NEDD4: variants seen among roughly 807,000 people sequenced by gnomAD.
The protein encoded by NEDD4 is E3 ubiquitin-protein ligase NEDD4.
NEDD4 carries 99 observed loss-of-function variants against 144.9 expected under a neutral mutation model. That is an observed-to-expected ratio of 0.68 (90% CI 0.58 to 0.81). The LOEUF (loss-of-function observed/expected upper bound fraction) is 0.81, where lower values mean the gene tolerates loss of function less well. Among genes scored for constraint, NEDD4 ranks in the 30% least tolerant of loss-of-function variants. The pLI, the probability that NEDD4 is intolerant of heterozygous loss-of-function variation, is 0.00. For missense variants in NEDD4, 985 were observed against 1,065.9 expected (o/e 0.92, Z 1.06); for synonymous variants, 318 against 350.6 (o/e 0.91, Z 1.04).
chr15:55,852,503 T>C lies in NEDD4; in HGVS notation c.1067A>G (p.Glu356Gly). The C allele has an allele frequency of 6.2e-7, 1 of 1,613,316 alleles. No homozygotes were observed. Among genetic ancestry groups the C allele is most frequent in the Middle Eastern group, 1.7e-4 (1 of 6,060 alleles). The change falls in exon 13 of 29, where the codon GAA (glutamate) becomes GGA (glycine). Residue 356 changes from glutamate (E) to glycine (G), a missense_variant. Physicochemically the swap from Glu to Gly is moderately conservative, Grantham distance 98. Coordinates refer to ENST00000435532, the MANE Select transcript of NEDD4 (RefSeq NM_006154.4). Reference protein sequence around the residue: ...TSSGLPPGWEEKQDERGRSYY... With the variant: ...TSSGLPPGWEGKQDERGRSYY... ...TGATCTTCCTCTTTCATCTTGTTTT[T>C]CTTCCCAACCTGGTGGTAATCCAGA...
chr15:55,991,499 G>C (rs2037988020), intron 1 of NEDD4, among the ~76,000 whole-genome samples: 1 of 152,246 alleles, frequency 6.6e-6, no homozygotes, highest in South Asian at 2.1e-4. Context: ...AGAGCAAACA[G>C]TAAATGAATG....
At chr15:55,839,092 G>A (rs1221562030) in intron 21 of NEDD4, among the ~76,000 whole-genome samples, 2 of 151,370 alleles carry the variant, frequency 1.3e-5, no homozygotes, top group South Asian at 2.1e-4. Context: ...GCAGTGGGGC[G>A]ACTGTGGCTC....
Position 55,848,875 on chromosome 15 carries a change from T to C in NEDD4, c.1359A>G (p.Arg453=), listed in dbSNP as rs2033863616. Residue 453 remains arginine, a synonymous_variant, in exon 15 of 29, where the codon AGA becomes AGG. Transcript: ENST00000435532. ...CTCTCAGATGGGCTGGAATTTTCAA[T>C]CTTGGATCTTCCTTTTTTGGTAGAG... ...NTKTTTWEDP[R]LKIPAHLRGK... The C allele has an allele frequency of 1.9e-6, 3 of 1,613,478 alleles. No individual in the cohort carries two copies. Among genetic ancestry groups the C allele is most frequent in the Non-Finnish European group, 2.5e-6 (3 of 1,179,518 alleles).
At chr15:55,873,647 G>A (rs1027172494) in intron 6 of NEDD4, among the ~76,000 whole-genome samples, 7 of 151,996 alleles carry the variant, frequency 4.6e-5, no homozygotes, top group Non-Finnish European at 7.4e-5. Context: ...GTTTTCTTCT[G>A]TGAGCTTAGG....
At chr15:55,840,827 A>G (rs1452442355) in intron 19 of NEDD4, 100 bp from the exon 20 acceptor site, 2 of 1,159,036 alleles carry the variant, frequency 1.7e-6, no homozygotes, top group Non-Finnish European at 2.5e-6. Context: ...TACCACTGTT[A>G]GAACCACATT....
At chr15:55,851,365 C>A (rs1308113546) in intron 13 of NEDD4, among the ~76,000 whole-genome samples, 1 of 148,518 alleles carries the variant, frequency 6.7e-6, no homozygotes, top group Non-Finnish European at 1.5e-5. Context: ...GCCACAACAT[C>A]AATGCAAAGT....
chr15:55,903,828 A>C (rs1340489592), intron 5 of NEDD4, among the ~76,000 whole-genome samples: 1 of 72,074 alleles, frequency 1.4e-5, no homozygotes, highest in African/African-American at 5.0e-5. Flanking sequence ...CCATCTCAAA[A>C]AAAAAAAAAA....
chr15:55,842,306 T>C, intron 18 of NEDD4, 143 bp from the exon 19 acceptor site: 2 of 669,758 alleles, frequency 3.0e-6, no homozygotes, highest in Non-Finnish European at 5.1e-6. Context: ...AAAACACAAC[T>C]AGGTATATTG....
At position 55,837,694 on chromosome 15, in the gene NEDD4, A is replaced by G. The variant is rs1044047518; in HGVS notation, c.2262+95T>C. ...AGAATGATTTCACAAAACAAGCCAT[A>G]TACTTATTTTTCTCAGATGTGATGA... is the stretch of plus-strand genomic sequence containing the variant. On this transcript the variant is annotated intron_variant, in intron 24 of 28. Transcript: ENST00000435532. The G allele has an allele frequency of 2.2e-5, 16 of 720,964 alleles. 1 individual carries two copies. The East Asian group carries it at 4.3e-4, about 19-fold the overall frequency. 44.7% of individuals were successfully genotyped at this position (720,964 alleles called of 1,614,324 possible).
In NEDD4 at chr15:55,938,410, C is replaced by T. The variant is rs562152260; in HGVS notation, c.237+12966G>A. Among the ~76,000 whole-genome samples the T allele has an allele frequency of 2.8e-4, 42 of 151,918 alleles. No homozygotes were observed. The East Asian group carries it at 4.8e-3, about 18-fold the overall frequency. ...GGCTTGGGAAAACTGGATATCCATA[C>T]GCAAAAGAAAGAAATTGACCCTTAT... On this transcript the variant is annotated intron_variant, in intron 4 of 28. Coordinates refer to ENST00000435532, the MANE Select transcript of NEDD4 (RefSeq NM_006154.4).
intron 4 of NEDD4, among the ~76,000 whole-genome samples, chr15:55,939,955 G>T (rs1182179604): frequency 6.6e-6 from 1 of 152,054 alleles, no homozygotes; most frequent in African/African-American, 2.4e-5. Context: ...CCAAGATATG[G>T]AAATAATCTA....
At position 55,881,610 on chromosome 15, in the gene NEDD4, T is replaced by G. The variant is rs1472400303; in HGVS notation, c.292-7602A>C. On this transcript the variant is annotated intron_variant, in intron 5 of 28. Transcript: ENST00000435532. ...GGGTAACTGAATTATCTAGTTAACTTAGGTTTAGGCTTAATCAGATTAAAA... is the reference window on the plus strand; with the variant it reads ...GGGTAACTGAATTATCTAGTTAACTGAGGTTTAGGCTTAATCAGATTAAAA... 6.6e-5 allele frequency among the ~76,000 whole-genome samples: 10 copies of G among 152,320 alleles called. No homozygotes were observed. In the East Asian group the frequency reaches 1.9e-3, roughly 29 times the overall value.
chr15:55,941,639 A>G (rs1409438663), intron 4 of NEDD4, among the ~76,000 whole-genome samples: 5 of 151,092 alleles, frequency 3.3e-5, no homozygotes, highest in Middle Eastern at 3.2e-3. Context: ...ATTTCAGCTC[A>G]CTGCAACCTC....
chr15:55,975,875 A>G (rs986529810), intron 1 of NEDD4, among the ~76,000 whole-genome samples: 1 of 152,238 alleles, frequency 6.6e-6, no homozygotes, highest in African/African-American at 2.4e-5. Context: ...CTGGACTTCA[A>G]ATTATACTAC....
At position 55,904,635 on chromosome 15, in the gene NEDD4, T is replaced by G. The variant is rs113695209; in HGVS notation, c.291+20011A>C. ...ATACACATTTTAAACAGGTTGATTC[T>G]CTTCTTCTGAGTGACAGGTATGCAT... On this transcript the variant is annotated intron_variant, in intron 5 of 28. Coordinates refer to ENST00000435532, the MANE Select transcript of NEDD4 (RefSeq NM_006154.4). Among the ~76,000 whole-genome samples the G allele has an allele frequency of 1.3e-5, 2 of 152,274 alleles. 1 individual carries two copies. The highest frequency in any genetic ancestry group is 4.8e-5 in the African/African-American group (2 of 41,568).
chr15:55,837,760 T>C (rs753713408), intron 24 of NEDD4, 29 bp downstream of exon 24: 4 of 1,570,280 alleles, frequency 2.5e-6, no homozygotes, highest in Non-Finnish European at 2.6e-6. Flanking sequence ...TGTGACATTA[T>C]GGAAGAGCAA....
intron 9 of NEDD4, among the ~76,000 whole-genome samples, 156 bp downstream of exon 9, chr15:55,862,757 T>G (rs2034452760): frequency 6.6e-6 from 1 of 152,152 alleles, no homozygotes. Context: ...AACAGCAGAG[T>G]TAGGATTTTT....
intron 8 of NEDD4, among the ~76,000 whole-genome samples, chr15:55,865,766 G>A (rs1314945178): frequency 6.6e-6 from 1 of 152,116 alleles, no homozygotes; most frequent in Non-Finnish European, 1.5e-5. Flanking sequence ...TCAGGGAAAA[G>A]AGTTGGGAAG....
intron 1 of NEDD4, among the ~76,000 whole-genome samples, chr15:55,980,292 G>A (rs1177763114): frequency 6.6e-6 from 1 of 152,138 alleles, no homozygotes; most frequent in Non-Finnish European, 1.5e-5. Context: ...GCGCACAGTA[G>A]GGGCTGACAA....
Sources: allele counts gnomAD v4.1 joint callset (sites outside exome capture counted in the v4.1 genomes callset), GRCh38; gene constraint gnomAD v4.1.1; transcripts MANE v1.5; gene names NCBI Gene and HGNC (gene_info 2026-07-23, HGNC 2026-07-21).